Variants in SGCZ observed in about 807,000 individuals in gnomAD.
The protein encoded by SGCZ is sarcoglycan zeta.
In SGCZ, 40 loss-of-function variants were observed where a neutral mutation model predicts 41.3. The ratio of observed to expected loss-of-function variants is 0.97; its 90% CI spans 0.75 to 1.26. The LOEUF is 1.26. SGCZ is among the 50% of genes most tolerant of loss of function. SGCZ has a pLI of 0.00. For synonymous variants in SGCZ, 206 were observed against 137.5 expected (o/e 1.50, Z -3.49); for missense variants, 552 against 369.8 (o/e 1.49, Z -4.04).
chr8:14,580,684 G>C (rs974542234), intron 1 of SGCZ, among the ~76,000 whole-genome samples: 7 of 152,138 alleles, frequency 4.6e-5, no homozygotes, highest in Admixed American at 3.3e-4. Context: ...AAAACATTTT[G>C]GGAAAGCTTT....
intron 1 of SGCZ, among the ~76,000 whole-genome samples, chr8:14,582,365 CATT>C (rs1804919342): frequency 2.0e-5 from 3 of 151,960 alleles, no homozygotes; most frequent in African/African-American, 7.3e-5. Flanking sequence ...GTCTACTGCA[CATT>C]ATTACAAATG....
At chr8:14,333,070 G>T (rs111709409) in intron 2 of SGCZ, among the ~76,000 whole-genome samples, 1 of 151,774 alleles carries the variant, frequency 6.6e-6, no homozygotes, top group Non-Finnish European at 1.5e-5. Flanking sequence ...TTTTTCTACA[G>T]GCAATTGGAA....
chr8:15,054,961 CAAA>C (rs34309870), intron 1 of SGCZ, among the ~76,000 whole-genome samples: 10 of 142,534 alleles, frequency 7.0e-5, no homozygotes, highest in Admixed American at 1.4e-4. Context: ...GACTCCATCT[CAAA>C]AAAAAAAAAA....
rs151123062 is a variant in SGCZ, at chr8:14,938,546, T to C, written c.39+299039A>G. 4.7e-3 allele frequency among the ~76,000 whole-genome samples: 714 copies of C among 152,324 alleles called. 6 individuals carry two copies. The highest frequency in any genetic ancestry group is 0.016 in the African/African-American group (676 of 41,574). On this transcript the variant is annotated intron_variant, in intron 1 of 7. Transcript: ENST00000382080. ...TATTATAAGAACACAGTATATAATA[T>C]ACATAACATACAAATATGTGTTAAC... is the stretch of plus-strand genomic sequence containing the variant.
At chr8:14,806,079 C>T (rs910818368) in intron 1 of SGCZ, among the ~76,000 whole-genome samples, 4 of 150,752 alleles carry the variant, frequency 2.7e-5, no homozygotes, top group African/African-American at 9.8e-5. Flanking sequence ...GCATTCAAAG[C>T]AGTGTGTAGA....
chr8:14,988,814 A>G (rs1301694699), intron 1 of SGCZ, among the ~76,000 whole-genome samples: 1 of 152,188 alleles, frequency 6.6e-6, no homozygotes, highest in Non-Finnish European at 1.5e-5. Context: ...ATACCATTGA[A>G]ATACTAAGAG....
chr8:14,723,445 G>A (rs1260359933), intron 1 of SGCZ, among the ~76,000 whole-genome samples: 2 of 152,076 alleles, frequency 1.3e-5, no homozygotes, highest in African/African-American at 4.8e-5. Flanking sequence ...AGCTGGCAGG[G>A]GTACCTTTCT....
intron 1 of SGCZ, among the ~76,000 whole-genome samples, chr8:14,730,163 T>A (rs555030607): frequency 6.6e-6 from 1 of 152,332 alleles, no homozygotes; most frequent in East Asian, 1.9e-4. Context: ...ATCAAGAGAA[T>A]CTTGTCTGCT....
chr8:14,128,122 T>C (rs1328163084), intron 5 of SGCZ, among the ~76,000 whole-genome samples: 1 of 152,182 alleles, frequency 6.6e-6, no homozygotes, highest in African/African-American at 2.4e-5. Context: ...AAAAAATGCT[T>C]ATACACTGCT....
intron 1 of SGCZ, among the ~76,000 whole-genome samples, chr8:14,764,669 A>G (rs541410764): frequency 6.6e-6 from 1 of 152,316 alleles, no homozygotes; most frequent in Non-Finnish European, 1.5e-5. Flanking sequence ...CTCTAGATTA[A>G]AGGAGATTAA....
chr8:14,186,534 G>A (rs1485827078), intron 4 of SGCZ, among the ~76,000 whole-genome samples: 1 of 152,150 alleles, frequency 6.6e-6, no homozygotes, highest in Non-Finnish European at 1.5e-5. Context: ...GGCTAGACAA[G>A]AAGACTAAAG....
chr8:14,236,093 C>T (rs753201749), intron 4 of SGCZ, among the ~76,000 whole-genome samples: 26 of 152,182 alleles, frequency 1.7e-4, no homozygotes, highest in Non-Finnish European at 3.2e-4. Flanking sequence ...AAAATTAGGA[C>T]ATGGAAAATC....
intron 2 of SGCZ, among the ~76,000 whole-genome samples, chr8:14,441,082 A>G (rs1172913175): frequency 6.6e-6 from 1 of 152,140 alleles, no homozygotes; most frequent in African/African-American, 2.4e-5. Flanking sequence ...CTGATACAGG[A>G]CCGAAGTCTG....
chr8:14,885,919 T>C (rs968826457), intron 1 of SGCZ, among the ~76,000 whole-genome samples: 21 of 147,186 alleles, frequency 1.4e-4, no homozygotes, highest in Admixed American at 9.6e-4. Flanking sequence ...AATACCTAGA[T>C]TGATCTGTTA....
chr8:15,024,071 A>C (rs1371357018), intron 1 of SGCZ, among the ~76,000 whole-genome samples: 1 of 152,224 alleles, frequency 6.6e-6, no homozygotes, highest in South Asian at 2.1e-4. Context: ...TTTCTTGAGC[A>C]TTATAAGACC....
chr8:14,642,489 G>C (rs919808979), intron 1 of SGCZ, among the ~76,000 whole-genome samples: 3 of 151,208 alleles, frequency 2.0e-5, no homozygotes, highest in African/African-American at 4.8e-5. Context: ...CTATATGTAA[G>C]TTACAATATG....
At chr8:14,624,560 T>TTTA (rs1806389819) in intron 1 of SGCZ, among the ~76,000 whole-genome samples, 7 of 88,032 alleles carry the variant, frequency 8.0e-5, no homozygotes, top group Non-Finnish European at 1.4e-4. Context: ...TTATTATTTT[T>TTTA]TTTTTTTTTT....
At chr8:15,069,003 A>G (rs1309393475) in intron 1 of SGCZ, among the ~76,000 whole-genome samples, 4 of 152,172 alleles carry the variant, frequency 2.6e-5, no homozygotes, top group Non-Finnish European at 5.9e-5. Context: ...GCTGATCGCC[A>G]AAAAATACTC....
At chr8:15,010,360 A>G (rs1012565244) in intron 1 of SGCZ, among the ~76,000 whole-genome samples, 4 of 152,254 alleles carry the variant, frequency 2.6e-5, no homozygotes, top group African/African-American at 9.6e-5. Flanking sequence ...TATCATTTAT[A>G]GAAATCTCAA....
Sources: gnomAD v4.1 joint callset for allele counts (sites outside exome capture counted in the v4.1 genomes callset) on GRCh38, gnomAD v4.1.1 for gene constraint, MANE v1.5 for transcripts, NCBI Gene and HGNC (gene_info 2026-07-23, HGNC 2026-07-21) for gene names.